The following UNC13C variants were observed in gnomAD, a reference collection of about 807,000 sequenced individuals.
UNC13C encodes the protein protein unc-13 homolog C.
UNC13C carries 174 observed loss-of-function variants against 245.4 expected under a neutral mutation model. The ratio of observed to expected loss-of-function variants is 0.71; its 90% CI spans 0.63 to 0.80. The LOEUF is 0.80. UNC13C is among the 30% of genes least tolerant of loss of function. UNC13C has a pLI of 0.00. For missense variants in UNC13C, 2,829 were observed against 2,602.9 expected (o/e 1.09, Z -1.89); for synonymous variants, 992 against 895.1 (o/e 1.11, Z -1.93).
At chr15:54,060,164 A>G (rs1056539924) in intron 2 of UNC13C, among the ~76,000 whole-genome samples, 1 of 152,208 alleles carries the variant, frequency 6.6e-6, no homozygotes, top group Admixed American at 6.5e-5. Flanking sequence ...AGAAACCACC[A>G]TCAGAGTGAA....
At chr15:54,597,372 C>T (rs1192326780) in intron 30 of UNC13C, among the ~76,000 whole-genome samples, 1 of 152,106 alleles carries the variant, frequency 6.6e-6, no homozygotes, top group Non-Finnish European at 1.5e-5. Flanking sequence ...TAGCTTAACA[C>T]CTTTGGAATC....
In UNC13C at chr15:54,089,254, A is replaced by G. The variant is rs74920450; in HGVS notation, c.2984-53764A>G. On this transcript the variant is annotated intron_variant, in intron 2 of 32. Coordinates refer to ENST00000260323, the MANE Select transcript of UNC13C (RefSeq NM_001080534.3). ...AAACTAAAAGCAAGGTATGCCTAGTACTAGTGCAGTGCCTAGAACAAAGAA... is the reference window on the plus strand; with the variant it reads ...AAACTAAAAGCAAGGTATGCCTAGTGCTAGTGCAGTGCCTAGAACAAAGAA... Among the ~76,000 whole-genome samples the G allele has an allele frequency of 1.3e-3, 191 of 152,306 alleles. 5 individuals are homozygous for G. In the East Asian group the frequency reaches 0.032, roughly 26 times the overall value.
At chr15:54,567,162 ATTATC>A (rs1416794448) in intron 29 of UNC13C, among the ~76,000 whole-genome samples, 2 of 152,022 alleles carry the variant, frequency 1.3e-5, no homozygotes, top group Non-Finnish European at 2.9e-5. Flanking sequence ...TATCTTCTCT[ATTATC>A]TTATTTATAA....
At chr15:54,535,963 G>A (rs1895965761) in intron 26 of UNC13C, among the ~76,000 whole-genome samples, 1 of 151,976 alleles carries the variant, frequency 6.6e-6, no homozygotes, top group Non-Finnish European at 1.5e-5. Flanking sequence ...CGAAAAGCCA[G>A]CAGAAGAAAA....
chr15:54,562,493 G>A (rs1040365515), intron 29 of UNC13C, among the ~76,000 whole-genome samples: 7 of 151,940 alleles, frequency 4.6e-5, no homozygotes, highest in Middle Eastern at 3.2e-3. Context: ...AATGTTGTCC[G>A]CACATGGTCT....
intron 2 of UNC13C, among the ~76,000 whole-genome samples, chr15:54,054,252 C>G (rs567349008): frequency 1.2e-3 from 179 of 152,232 alleles, no homozygotes; most frequent in African/African-American, 4.0e-3. Context: ...TTTGACTGTT[C>G]TTTCTCTGCA....
chr15:54,241,199 T>C (rs918387839), intron 7 of UNC13C, among the ~76,000 whole-genome samples: 3 of 152,138 alleles, frequency 2.0e-5, no homozygotes, highest in Admixed American at 6.5e-5. Context: ...GTTGGTTCTG[T>C]CTGGGTTGAT....
chr15:54,413,501 A>G (rs1309752390), intron 18 of UNC13C, among the ~76,000 whole-genome samples: 3 of 152,156 alleles, frequency 2.0e-5, no homozygotes, highest in African/African-American at 7.2e-5. Flanking sequence ...GGTTATTTTT[A>G]TATCAGTAAA....
intron 8 of UNC13C, among the ~76,000 whole-genome samples, chr15:54,261,518 G>A (rs1360971035): frequency 2.2e-5 from 3 of 138,352 alleles, no homozygotes; most frequent in African/African-American, 3.1e-5. Flanking sequence ...AGAAATTTTT[G>A]TTTGTTTGTT....
intron 17 of UNC13C, among the ~76,000 whole-genome samples, chr15:54,389,341 A>G (rs2039905105): frequency 6.6e-6 from 1 of 152,202 alleles, no homozygotes; most frequent in Non-Finnish European, 1.5e-5. Flanking sequence ...GTCACTCTCA[A>G]TACACATTTT....
At chr15:53,856,885 G>A in the UNC13C span, among the ~76,000 whole-genome samples, 1 of 152,148 alleles carries the variant, frequency 6.6e-6, no homozygotes, top group East Asian at 1.9e-4. Flanking sequence ...AGGTGTTGAA[G>A]TCTCCCATTA....
intron 30 of UNC13C, among the ~76,000 whole-genome samples, chr15:54,582,986 C>T (rs28373275): frequency 0.039 from 5,925 of 152,138 alleles, 343 homozygotes; most frequent in African/African-American, 0.13. Context: ...CATCACCTGT[C>T]GGGCTTGTTT....
chr15:54,130,287 A>ATTTTT lies in UNC13C; in HGVS notation c.2984-12714_2984-12710dup, dbSNP rs71824258. 8.0e-3 allele frequency among the ~76,000 whole-genome samples: 652 copies of ATTTTT among 81,136 alleles called. 16 individuals carry two copies. Among genetic ancestry groups the ATTTTT allele is most frequent in the Non-Finnish European group, 9.1e-3 (408 of 44,824 alleles). The allele number at this position is 81,136 out of a possible 152,430, so 53.2% of individuals were successfully genotyped here. ...TTCTTCGTGGCCAGGTAGATAATTA[A>ATTTTT]TTTTTTTTTTTTTTTTTTTTTGTGA... On this transcript the variant is annotated intron_variant, in intron 2 of 32. Coordinates refer to ENST00000260323, the MANE Select transcript of UNC13C (RefSeq NM_001080534.3).
intron 2 of UNC13C, among the ~76,000 whole-genome samples, chr15:54,071,522 A>G (rs1206076951): frequency 6.6e-6 from 1 of 152,168 alleles, no homozygotes; most frequent in Non-Finnish European, 1.5e-5. Context: ...ACACAAAAAA[A>G]TGAGACTCCA....
In UNC13C at chr15:54,015,659, A is replaced by G; in HGVS notation, c.2756A>G (p.Asp919Gly). 1.2e-6 allele frequency: 2 copies of G among 1,613,706 alleles called. No individual in the cohort carries two copies. The highest frequency in any genetic ancestry group is 1.7e-6 in the Non-Finnish European group (2 of 1,179,740). The change falls in exon 2 of 33, where the codon GAT becomes GGT. Residue 919 changes from aspartate to glycine, a missense_variant. By Grantham distance (94) the Asp-to-Gly change is moderately conservative. Coordinates refer to ENST00000260323, the MANE Select transcript of UNC13C (RefSeq NM_001080534.3). The stretch of plus-strand genomic sequence containing the variant: ...GAAACACCTTATGAAACCCCACAAG[A>G]TGAGGGTTATGATGGTCCAGCAGAT... ...SYETPYETPQDEGYDGPADDM... is the reference protein window; with the variant it reads ...SYETPYETPQGEGYDGPADDM...
At chr15:54,513,624 T>C (rs908221333) in intron 24 of UNC13C, among the ~76,000 whole-genome samples, 2 of 152,134 alleles carry the variant, frequency 1.3e-5, no homozygotes, top group African/African-American at 4.8e-5. Flanking sequence ...CCTCCTCTTA[T>C]TGAAGAACAT....
intron 2 of UNC13C, among the ~76,000 whole-genome samples, chr15:54,133,795 T>C (rs539748039): frequency 1.5e-4 from 23 of 152,182 alleles, no homozygotes; most frequent in Non-Finnish European, 2.5e-4. Flanking sequence ...ACAATATCTG[T>C]ATATACATAT....
chr15:54,303,734 C>T (rs1272230197), intron 13 of UNC13C, among the ~76,000 whole-genome samples: 4 of 150,610 alleles, frequency 2.7e-5, no homozygotes, highest in East Asian at 2.0e-4. Context: ...CCAAGGTGGT[C>T]GGGGCACAGC....
At chr15:54,608,146 A>C (rs1286528247) in intron 30 of UNC13C, among the ~76,000 whole-genome samples, 2 of 152,174 alleles carry the variant, frequency 1.3e-5, no homozygotes, top group East Asian at 3.8e-4. Flanking sequence ...AAAAAAAAAC[A>C]CTTATATTTA....
Sources: gnomAD v4.1 joint callset for allele counts (sites outside exome capture counted in the v4.1 genomes callset) on GRCh38, gnomAD v4.1.1 for gene constraint, MANE v1.5 for transcripts, NCBI Gene and HGNC (gene_info 2026-07-23, HGNC 2026-07-21) for gene names.